CSMD1: variants seen among roughly 807,000 people sequenced by gnomAD.
CSMD1 encodes CUB and sushi domain-containing protein 1.
CSMD1 carries 213 observed loss-of-function variants against 417.5 expected under a neutral mutation model. That is an observed-to-expected ratio of 0.51 (90% confidence interval 0.46 to 0.57). The LOEUF (loss-of-function observed/expected upper bound fraction) is 0.57. CSMD1 is among the 20% of genes least tolerant of loss of function. CSMD1 has a pLI of 0.00. For missense variants in CSMD1, 6,923 were observed against 4,529.7 expected (o/e 1.53, Z -15.17); for synonymous variants, 2,862 against 1,736.8 (o/e 1.65, Z -16.11).
At chr8:4,835,868 G>C (rs1230188957) in intron 1 of CSMD1, among the ~76,000 whole-genome samples, 1 of 151,608 alleles carries the variant, frequency 6.6e-6, no homozygotes. Context: ...ACTAAGTGTT[G>C]GTTGATTTAA....
intron 11 of CSMD1, among the ~76,000 whole-genome samples, chr8:3,476,666 C>T (rs1466210862): frequency 6.6e-6 from 1 of 152,014 alleles, no homozygotes; most frequent in Admixed American, 6.6e-5. Context: ...CCTGTAATGC[C>T]AGCACTTTTT....
intron 5 of CSMD1, among the ~76,000 whole-genome samples, chr8:3,920,779 G>A (rs1809192077): frequency 1.3e-5 from 2 of 151,912 alleles, no homozygotes; most frequent in South Asian, 4.2e-4. Context: ...CCAATTTATT[G>A]ATTTGCGTAT....
chr8:4,442,845 T>C (rs1239276389), intron 2 of CSMD1, among the ~76,000 whole-genome samples: 1 of 152,208 alleles, frequency 6.6e-6, no homozygotes, highest in Non-Finnish European at 1.5e-5. Context: ...TTTATTTACA[T>C]GATTTGAGAT....
intron 2 of CSMD1, among the ~76,000 whole-genome samples, chr8:4,423,295 A>G (rs1480850479): frequency 6.6e-6 from 1 of 152,118 alleles, no homozygotes; most frequent in Non-Finnish European, 1.5e-5. Context: ...TGGCATGATG[A>G]TCTTTATAGA....
intron 7 of CSMD1, among the ~76,000 whole-genome samples, chr8:3,634,460 G>C (rs749991125): frequency 2.6e-5 from 4 of 152,120 alleles, no homozygotes; most frequent in Non-Finnish European, 5.9e-5. Context: ...TAATGCTGTC[G>C]GCACAACTCT....
At chr8:4,307,603 C>A (rs1254420436) in intron 3 of CSMD1, among the ~76,000 whole-genome samples, 1 of 152,138 alleles carries the variant, frequency 6.6e-6, no homozygotes, top group African/African-American at 2.4e-5. Context: ...TGTACCCACC[C>A]AACTTGTGAA....
chr8:3,701,753 A>G (rs1800884334), intron 7 of CSMD1, among the ~76,000 whole-genome samples: 1 of 152,228 alleles, frequency 6.6e-6, no homozygotes, highest in Non-Finnish European at 1.5e-5. Flanking sequence ...ATCATTAAGT[A>G]TATACAGTAA....
In CSMD1 at chr8:3,634,240, G is replaced by C. The variant is rs1017468937; in HGVS notation, c.1010-17443C>G. 3.3e-5 allele frequency among the ~76,000 whole-genome samples: 5 copies of C among 152,308 alleles called. No individual in the cohort carries two copies. The East Asian group carries it at 7.7e-4, about 24-fold the overall frequency. On this transcript the variant is annotated intron_variant, in intron 7 of 69. Transcript: ENST00000635120. ...CTATGTGTTCACGTGATTAATGGTG[G>C]GGGCCTTTGGCCACTTGGTCCAGCC... is the stretch of plus-strand genomic sequence containing the variant.
chr8:3,556,663 A>C (rs925432534), intron 10 of CSMD1, among the ~76,000 whole-genome samples: 23 of 151,792 alleles, frequency 1.5e-4, no homozygotes, highest in African/African-American at 5.6e-4. Context: ...AACGAGGATA[A>C]TGGTAATTGC....
intron 1 of CSMD1, among the ~76,000 whole-genome samples, chr8:4,653,125 T>A (rs79930203): frequency 6.6e-6 from 1 of 152,078 alleles, no homozygotes; most frequent in Non-Finnish European, 1.5e-5. Context: ...CAGCCACAGA[T>A]TCAGCCCATT....
rs1172040830 is a variant in CSMD1, at chr8:3,268,287, C to CT, written c.4153+15856dup. On this transcript the variant is annotated intron_variant, in intron 26 of 69. Transcript: ENST00000635120. ...AGGGTGTGGTCAGATGGTTCATTTC[C>CT]TATTTTTTTTTTTTTTTTTTTTTTT... is the stretch of plus-strand genomic sequence containing the variant. 6.6e-4 allele frequency among the ~76,000 whole-genome samples: 76 copies of CT among 114,604 alleles called. 1 individual carries two copies. The highest frequency in any genetic ancestry group is 1.1e-3 in the African/African-American group (32 of 28,800). The allele number at this position is 114,604 out of a possible 152,430, so 75.2% of individuals were successfully genotyped here.
intron 3 of CSMD1, among the ~76,000 whole-genome samples, chr8:4,271,653 T>C (rs1804604943): frequency 6.6e-6 from 1 of 151,896 alleles, no homozygotes; most frequent in Admixed American, 6.6e-5. Context: ...AGAAAAGAAA[T>C]GGTAAAATAC....
chr8:4,364,142 A>C (rs1801935673), intron 3 of CSMD1, among the ~76,000 whole-genome samples: 1 of 152,196 alleles, frequency 6.6e-6, no homozygotes. Context: ...CTGTATCAAA[A>C]TCTCTCTTGT....
chr8:4,589,877 G>A (rs1799898078), intron 2 of CSMD1, among the ~76,000 whole-genome samples: 2 of 152,166 alleles, frequency 1.3e-5, no homozygotes, highest in Non-Finnish European at 1.5e-5. Context: ...TCAGGAGCCT[G>A]ATGCCACTGA....
At chr8:4,211,739 G>T (rs764467956) in intron 3 of CSMD1, among the ~76,000 whole-genome samples, 1 of 152,154 alleles carries the variant, frequency 6.6e-6, no homozygotes, top group Non-Finnish European at 1.5e-5. Flanking sequence ...AGTTGACAAA[G>T]AGCCCTGCAA....
At chr8:3,409,255 G>A (rs1056339559) in intron 13 of CSMD1, among the ~76,000 whole-genome samples, 168 bp downstream of exon 13, 6 of 152,210 alleles carry the variant, frequency 3.9e-5, no homozygotes, top group Admixed American at 3.9e-4. Context: ...GAAGAAAGCA[G>A]GCAAGTTGGT....
chr8:4,236,039 G>T (rs7006597), intron 3 of CSMD1, among the ~76,000 whole-genome samples: 4,560 of 28,332 alleles, frequency 0.16, 167 homozygotes, highest in Middle Eastern at 0.35. Context: ...TTTTTTGTTT[G>T]TTTTTTTTTT....
At chr8:4,773,130 G>C (rs1796681426) in intron 1 of CSMD1, among the ~76,000 whole-genome samples, 1 of 152,106 alleles carries the variant, frequency 6.6e-6, no homozygotes, top group South Asian at 2.1e-4. Flanking sequence ...CCAGTTGAGT[G>C]TCCCTAATTA....
chr8:4,420,634 T>G (rs761264706), intron 2 of CSMD1, among the ~76,000 whole-genome samples: 1 of 152,128 alleles, frequency 6.6e-6, no homozygotes, highest in Non-Finnish European at 1.5e-5. Context: ...GAGTTGGTCG[T>G]GAAACAATCT....
Sources: allele counts gnomAD v4.1 joint callset (sites outside exome capture counted in the v4.1 genomes callset), GRCh38; gene constraint gnomAD v4.1.1; transcripts MANE v1.5; gene names NCBI Gene and HGNC (gene_info 2026-07-23, HGNC 2026-07-21).